The following NCAM1 variants were observed in gnomAD, a reference collection of about 807,000 sequenced individuals.
NCAM1 encodes the protein antigen recognized by monoclonal antibody 5.1H11.
A neutral mutation model predicts 109.8 loss-of-function variants in NCAM1; 14 were observed. The observed-to-expected ratio is 0.13, with a 90% CI of 0.08 to 0.20. The LOEUF (loss-of-function observed/expected upper bound fraction) is 0.20. Ranked by LOEUF, NCAM1 falls within the 10% of genes least tolerant of loss-of-function variation. NCAM1 has a pLI of 1.00. For missense variants in NCAM1, 774 were observed against 1,109.9 expected, an observed-to-expected ratio of 0.70 and a Z score of 4.30; for synonymous variants, 418 against 442.9, an observed-to-expected ratio of 0.94 and a Z score of 0.70.
intron 1 of NCAM1, among the ~76,000 whole-genome samples, chr11:113,141,908 CAA>C (rs1290455914): frequency 1.3e-5 from 2 of 152,102 alleles, no homozygotes; most frequent in African/African-American, 4.8e-5. Context: ...AGGATTAAGA[CAA>C]ATTACTGGAA....
chr11:113,044,907 C>G (rs892658315), intron 1 of NCAM1, among the ~76,000 whole-genome samples: 1 of 151,990 alleles, frequency 6.6e-6, no homozygotes, highest in Non-Finnish European at 1.5e-5. Context: ...GCACCCGCCA[C>G]GACGCCTGGC....
At chr11:113,157,058 A>G (rs1942434079) in intron 1 of NCAM1, among the ~76,000 whole-genome samples, 1 of 151,898 alleles carries the variant, frequency 6.6e-6, no homozygotes, top group Non-Finnish European at 1.5e-5. Flanking sequence ...ACCTCTTGTC[A>G]CTCAGTTTGG....
At chr11:113,184,760 A>G (rs1301879806) in intron 1 of NCAM1, among the ~76,000 whole-genome samples, 1 of 152,094 alleles carries the variant, frequency 6.6e-6, no homozygotes, top group Non-Finnish European at 1.5e-5. Context: ...CCAACTGATC[A>G]GCTGACACTT....
Position 112,998,731 on chromosome 11 carries a change from T to G in NCAM1, c.52+37067T>G, listed in dbSNP as rs533346590. On this transcript the variant is annotated intron_variant, in intron 1 of 19. Transcript: ENST00000316851. ...AAACTCAAAACGATTATCTACCCTATTCTTACCATAAATTCCGAATGTCTT... is the reference window on the plus strand; with the variant it reads ...AAACTCAAAACGATTATCTACCCTAGTCTTACCATAAATTCCGAATGTCTT... Among the ~76,000 whole-genome samples, 94 of 152,288 alleles carry G rather than the reference T, an allele frequency of 6.2e-4. 2 individuals are homozygous for G. Among genetic ancestry groups the G allele is most frequent in the Middle Eastern group, 3.4e-3 (1 of 294 alleles).
intron 1 of NCAM1, among the ~76,000 whole-genome samples, chr11:113,154,860 G>A (rs551517929): frequency 3.3e-5 from 5 of 152,308 alleles, no homozygotes; most frequent in African/African-American, 9.6e-5. Context: ...ACCCCTGAAT[G>A]ACACTGGGGG....
intron 1 of NCAM1, among the ~76,000 whole-genome samples, chr11:113,027,366 G>A (rs1555077523): frequency 6.6e-6 from 1 of 152,166 alleles, no homozygotes; most frequent in African/African-American, 2.4e-5. Flanking sequence ...TTAGTGTCTT[G>A]TTTAATGACA....
chr11:113,156,190 T>G (rs527351764), intron 1 of NCAM1, among the ~76,000 whole-genome samples: 1 of 152,142 alleles, frequency 6.6e-6, no homozygotes, highest in South Asian at 2.1e-4. Context: ...AAAAGATGAC[T>G]AAAATGTTGA....
chr11:113,224,597 G>A (rs1420677488), intron 9 of NCAM1, among the ~76,000 whole-genome samples: 1 of 152,210 alleles, frequency 6.6e-6, no homozygotes, highest in African/African-American at 2.4e-5. Flanking sequence ...GGTTCTCCCA[G>A]CATGCAGCTT....
chr11:113,263,266 T>C lies in NCAM1; in HGVS notation c.2131+2943T>C, dbSNP rs1946058503. The C allele has an allele frequency of 7.7e-6, 8 of 1,033,322 alleles. No homozygotes were observed. The South Asian group carries it at 2.7e-4, about 35-fold the overall frequency. The allele number at this position is 1,033,322 out of a possible 1,614,324, so 64.0% of individuals were successfully genotyped here. ...ACTTGTTGCATTTTGGGTTCAAACC[T>C]AAATATGATGTAGCAGAGGAAGAAT... is the stretch of plus-strand genomic sequence containing the variant. On this transcript the variant is annotated intron_variant, in intron 17 of 19. Transcript: ENST00000316851.
At chr11:113,091,223 A>G (rs1939329133) in intron 1 of NCAM1, among the ~76,000 whole-genome samples, 2 of 152,206 alleles carry the variant, frequency 1.3e-5, no homozygotes, top group African/African-American at 4.8e-5. Flanking sequence ...TAGATCAAGC[A>G]TCTGGTAAGA....
rs1262219675 is a variant in NCAM1 at position 112,962,652 on chromosome 11, C to G, written c.52+988C>G. ...CGGGTGGCGGGGGTTGCGCCGCCGC[C>G]CAGAGAACCTCGGCAGTGTGCAGGG... is the stretch of plus-strand genomic sequence containing the variant. On this transcript the variant is annotated intron_variant, in intron 1 of 19. Transcript: ENST00000316851. The surrounding 1 kb of genome is among the most constrained non-coding windows in gnomAD (Gnocchi z 5.6). Among the ~76,000 whole-genome samples, 2 of 151,602 alleles carry G rather than the reference C, an allele frequency of 1.3e-5. No individual in the cohort carries two copies. Among genetic ancestry groups the G allele is most frequent in the African/African-American group, 4.8e-5 (2 of 41,244 alleles).
intron 7 of NCAM1, among the ~76,000 whole-genome samples, chr11:113,211,067 CTT>C (rs1944379114): frequency 6.6e-6 from 1 of 152,194 alleles, no homozygotes; most frequent in Non-Finnish European, 1.5e-5. Flanking sequence ...TCTCATCCTC[CTT>C]TCTCTCCTCC....
chr11:113,063,323 G>T (rs1299713489), intron 1 of NCAM1, among the ~76,000 whole-genome samples: 1 of 152,150 alleles, frequency 6.6e-6, no homozygotes, highest in East Asian at 1.9e-4. Context: ...CGTTAATGCC[G>T]AGATAGCCTT....
At chr11:113,000,729 T>C (rs571664002) in intron 1 of NCAM1, among the ~76,000 whole-genome samples, 24 of 151,536 alleles carry the variant, frequency 1.6e-4, no homozygotes, top group African/African-American at 5.6e-4. Flanking sequence ...TCAGGATTGC[T>C]GTAGGAAGGT....
intron 1 of NCAM1, among the ~76,000 whole-genome samples, chr11:113,113,892 G>A (rs1426478056): frequency 6.6e-6 from 1 of 152,200 alleles, no homozygotes; most frequent in Non-Finnish European, 1.5e-5. Flanking sequence ...GATCCAGGAA[G>A]AGGACTGGTG....
At chr11:113,202,598 C>G (rs1161108626) in intron 2 of NCAM1, 145 bp downstream of exon 2, 1 of 615,710 alleles carries the variant, frequency 1.6e-6, no homozygotes, top group African/African-American at 1.9e-5. Context: ...AATAGTATGG[C>G]CATTTAAGAG....
At chr11:113,172,768 T>C (rs2136476275) in intron 1 of NCAM1, among the ~76,000 whole-genome samples, 1 of 152,308 alleles carries the variant, frequency 6.6e-6, no homozygotes, top group East Asian at 1.9e-4. Context: ...TTTTTTATTT[T>C]TTTTCCTTCT....
chr11:112,974,772 G>A (rs1950964529), intron 1 of NCAM1, among the ~76,000 whole-genome samples: 1 of 151,652 alleles, frequency 6.6e-6, no homozygotes, highest in South Asian at 2.1e-4. Context: ...GAGTATGGGA[G>A]AAGAGACATA....
chr11:113,223,988 C>T (rs193289636), intron 9 of NCAM1, among the ~76,000 whole-genome samples: 2,014 of 152,304 alleles, frequency 0.013, 32 homozygotes, highest in African/African-American at 0.039. Flanking sequence ...AGCTCCAGTC[C>T]ACAGCTCCCA....
Sources: gnomAD v4.1 joint callset for allele counts (sites outside exome capture counted in the v4.1 genomes callset) on GRCh38, gnomAD v4.1.1 for gene constraint, Gnocchi (gnomAD v3.1) non-coding constraint, MANE v1.5 for transcripts, NCBI Gene and HGNC (gene_info 2026-07-23, HGNC 2026-07-21) for gene names.